Variants in KSR2 observed in about 807,000 individuals in gnomAD.
KSR2 encodes kinase suppressor of ras 2.
Under a neutral mutation model 107.8 loss-of-function variants are expected in KSR2, and 25 were observed. That is an observed-to-expected ratio of 0.23 (90% CI 0.17 to 0.32). KSR2 has a LOEUF of 0.32. Ranked by LOEUF, KSR2 falls within the 10% of genes least tolerant of loss-of-function variation. The pLI, the probability that KSR2 is intolerant of heterozygous loss-of-function variation, is 1.00. For missense variants in KSR2, 887 were observed against 1,268.9 expected, an observed-to-expected ratio of 0.70 and a Z score of 4.57; for synonymous variants, 480 against 507.0, an observed-to-expected ratio of 0.95 and a Z score of 0.71.
At chr12:117,578,478 T>G (rs1475468959) in intron 7 of KSR2, among the ~76,000 whole-genome samples, 1 of 151,928 alleles carries the variant, frequency 6.6e-6, no homozygotes, top group Non-Finnish European at 1.5e-5. Context: ...GGCACAGGCC[T>G]GTAGTCCCAG....
intron 7 of KSR2, among the ~76,000 whole-genome samples, chr12:117,574,016 A>G (rs1879081382): frequency 6.6e-6 from 1 of 152,142 alleles, no homozygotes; most frequent in Non-Finnish European, 1.5e-5. Context: ...CCGCTGGGCA[A>G]TAAAGCTTGA....
chr12:117,890,835 T>C (rs1336846216), intron 1 of KSR2: 1 of 152,186 alleles, frequency 6.6e-6, no homozygotes, highest in Non-Finnish European at 1.5e-5. Context: ...AGGAGACTTG[T>C]GTTCCAGCAG....
chr12:117,622,113 G>C (rs1882233312), intron 5 of KSR2, among the ~76,000 whole-genome samples: 2 of 152,042 alleles, frequency 1.3e-5, no homozygotes, highest in Admixed American at 6.6e-5. Flanking sequence ...GCAGTTGATG[G>C]GAGAATTTGA....
chr12:117,752,552 A>G (rs963985134), intron 4 of KSR2, among the ~76,000 whole-genome samples: 1 of 152,234 alleles, frequency 6.6e-6, no homozygotes, highest in East Asian at 1.9e-4. Context: ...ATATCAAAGT[A>G]TTAATAGCAG....
chr12:117,650,892 G>C (rs1883877493), intron 5 of KSR2, among the ~76,000 whole-genome samples: 1 of 152,206 alleles, frequency 6.6e-6, no homozygotes, highest in African/African-American at 2.4e-5. Flanking sequence ...ATCTCCTGTA[G>C]AGAAAGAGCT....
At position 117,485,618 on chromosome 12, in the gene KSR2, G is replaced by C; in HGVS notation, c.2293C>G (p.Gln765Glu). 3 of 1,613,402 alleles carry C rather than the reference G, an allele frequency of 1.9e-6. No homozygotes were observed. The highest frequency in any genetic ancestry group is 1.7e-6 in the Non-Finnish European group (2 of 1,179,436). The change falls in exon 15 of 20, where the codon CAG (glutamine) becomes GAG (glutamate). Residue 765 changes from glutamine to glutamate, a missense_variant. Physicochemically the swap from Gln to Glu is conservative, Grantham distance 29. Around this residue, in one of 8 missense-constraint regions of KSR2, gnomAD observed 308 missense variants for 506.2 expected, o/e 0.61. Transcript: ENST00000339824. ...ACCTTCACAATTTCTTGAGCAATCT[G>C]CCTGGTTTTGTTGACATCCAAAACG... ...KIVLDVNKTRQIAQEIVKGMG... is the reference protein window; with the variant it reads ...KIVLDVNKTREIAQEIVKGMG...
intron 14 of KSR2, among the ~76,000 whole-genome samples, chr12:117,518,060 T>C (rs1157854343): frequency 2.6e-5 from 4 of 152,214 alleles, no homozygotes; most frequent in Non-Finnish European, 1.5e-5. Context: ...TGATATTTAC[T>C]GGATTTAAAA....
At chr12:117,817,926 C>A (rs912503704) in intron 3 of KSR2, among the ~76,000 whole-genome samples, 2 of 152,028 alleles carry the variant, frequency 1.3e-5, no homozygotes, top group Admixed American at 6.5e-5. Flanking sequence ...CACAGTAAAA[C>A]CCCGTCTACA....
chr12:117,699,017 C>G (rs1593144163), intron 4 of KSR2, among the ~76,000 whole-genome samples: 2 of 152,220 alleles, frequency 1.3e-5, no homozygotes, highest in African/African-American at 4.8e-5. Flanking sequence ...TCTAAAAGAG[C>G]AGCTCTCTCC....
intron 3 of KSR2, among the ~76,000 whole-genome samples, chr12:117,767,557 C>T (rs888157726): frequency 3.3e-5 from 5 of 151,868 alleles, no homozygotes; most frequent in Non-Finnish European, 1.5e-5. Context: ...CCCAGCACTT[C>T]GGAAGGCCAA....
At chr12:117,815,233 G>C (rs1003038675) in intron 3 of KSR2, among the ~76,000 whole-genome samples, 10 of 152,186 alleles carry the variant, frequency 6.6e-5, no homozygotes, top group African/African-American at 2.4e-4. Context: ...AGCTGTGTTT[G>C]TAACAGCAAA....
At chr12:117,639,360 T>C (rs764809123) in intron 5 of KSR2, among the ~76,000 whole-genome samples, 1 of 151,376 alleles carries the variant, frequency 6.6e-6, no homozygotes, top group Admixed American at 6.6e-5. Context: ...GACAGAGTCT[T>C]GCTGTGTTGC....
Position 117,692,549 on chromosome 12 carries a change from C to CATAT in KSR2, c.987-24895_987-24892dup, listed in dbSNP as rs60792647. On this transcript the variant is annotated intron_variant, in intron 4 of 19. Transcript: ENST00000339824. Reference sequence around the variant, plus strand: ...ACACACACACATATATATACACATACATATATATATATATATGAGTTGAAA... The same window carrying CATAT: ...ACACACACACATATATATACACATACATATATATATATATATATATGAGTTGAAA... Among the ~76,000 whole-genome samples, 94 of 124,492 alleles carry CATAT rather than the reference C, an allele frequency of 7.6e-4. 3 individuals carry two copies. Among genetic ancestry groups the CATAT allele is most frequent in the African/African-American group, 1.7e-3 (55 of 33,040 alleles). The allele number at this position is 124,492 out of a possible 152,430, so 81.7% of individuals were successfully genotyped here.
At chr12:117,958,611 A>G (rs945074699) in intron 1 of KSR2, among the ~76,000 whole-genome samples, 6 of 152,176 alleles carry the variant, frequency 3.9e-5, no homozygotes, top group Non-Finnish European at 7.4e-5. Context: ...ACTTGAGATG[A>G]GGAGTTCAAG....
At chr12:117,923,086 T>C (rs555027964) in intron 1 of KSR2, among the ~76,000 whole-genome samples, 5 of 152,300 alleles carry the variant, frequency 3.3e-5, no homozygotes, top group Admixed American at 6.5e-5. Context: ...TGCTACCTAG[T>C]GTGTTCCTAA....
chr12:117,882,133 C>T (rs1308827577), intron 1 of KSR2, among the ~76,000 whole-genome samples: 1 of 152,188 alleles, frequency 6.6e-6, no homozygotes, highest in Non-Finnish European at 1.5e-5. Flanking sequence ...TCAAGGGGCT[C>T]AGAGTCCAGT....
chr12:117,505,061 A>G (rs895808789), intron 14 of KSR2, among the ~76,000 whole-genome samples: 8 of 152,168 alleles, frequency 5.3e-5, no homozygotes, highest in African/African-American at 1.9e-4. Context: ...GCTTCATCCA[A>G]GTTGCTGCAA....
At chr12:117,497,631 G>A (rs1207428562) in intron 14 of KSR2, among the ~76,000 whole-genome samples, 1 of 152,202 alleles carries the variant, frequency 6.6e-6, no homozygotes, top group African/African-American at 2.4e-5. Flanking sequence ...CAGGAGACTG[G>A]CGCAATAAGT....
intron 3 of KSR2, among the ~76,000 whole-genome samples, chr12:117,813,626 G>A (rs1018631214): frequency 2.0e-5 from 3 of 152,090 alleles, no homozygotes; most frequent in Non-Finnish European, 2.9e-5. Context: ...CTATCAGAAA[G>A]ACAACAAATA....
Sources: allele counts gnomAD v4.1 joint callset (sites outside exome capture counted in the v4.1 genomes callset), GRCh38; gene constraint gnomAD v4.1.1; regional missense constraint gnomAD v4.1.1; transcripts MANE v1.5; gene names NCBI Gene and HGNC (gene_info 2026-07-23, HGNC 2026-07-21).